RICTOR: variants seen among roughly 807,000 people sequenced by gnomAD.
The protein encoded by RICTOR is RPTOR independent companion of MTOR complex 2, also known as rapamycin-insensitive companion of mTOR.
In RICTOR, 49 loss-of-function variants were observed where a neutral mutation model predicts 214.9. That is an observed-to-expected ratio of 0.23 (90% CI 0.18 to 0.29). RICTOR has a LOEUF of 0.29. Among genes scored for constraint, RICTOR ranks in the 10% least tolerant of loss-of-function variants. RICTOR has a pLI of 1.00. For missense variants in RICTOR, 1,625 were observed against 2,047.0 expected, an observed-to-expected ratio of 0.79 and a Z score of 3.98; for synonymous variants, 717 against 711.3, an observed-to-expected ratio of 1.01 and a Z score of -0.13.
intron 2 of RICTOR, among the ~76,000 whole-genome samples, chr5:39,072,881 C>T (rs779526205): frequency 6.6e-5 from 10 of 152,188 alleles, no homozygotes; most frequent in Non-Finnish European, 1.3e-4. Context: ...AGTCCCTGAA[C>T]TTTCAGAATA....
At chr5:39,005,065 G>T (rs897869203) in intron 3 of RICTOR, among the ~76,000 whole-genome samples, 1 of 151,790 alleles carries the variant, frequency 6.6e-6, no homozygotes, top group Non-Finnish European at 1.5e-5. Flanking sequence ...ATGGGCATGA[G>T]CCACAGCGCC....
chr5:39,008,909 G>A (rs926862851), intron 3 of RICTOR, among the ~76,000 whole-genome samples: 1 of 151,354 alleles, frequency 6.6e-6, no homozygotes, highest in Non-Finnish European at 1.5e-5. Context: ...TTCATCCTTG[G>A]GAATATTCAA....
intron 3 of RICTOR, among the ~76,000 whole-genome samples, chr5:39,014,034 C>T (rs553522113): frequency 6.6e-6 from 1 of 152,188 alleles, no homozygotes; most frequent in East Asian, 1.9e-4. Context: ...TGTGTTAAAA[C>T]TGCCTACAGT....
chr5:38,946,770 G>A (rs1326864018), intron 32 of RICTOR, among the ~76,000 whole-genome samples: 3 of 152,050 alleles, frequency 2.0e-5, no homozygotes, highest in African/African-American at 4.8e-5. Context: ...TTATTTTAGC[G>A]TTTATCTAAA....
Position 38,953,349 on chromosome 5 carries a change from T to A in RICTOR, c.2790+112A>T, listed in dbSNP as rs1579895354. ...TTGGCAGGAACAATCCAGTCTTAAA[T>A]ATTAATCTAATAAGTAGTTCCAAAG... is the stretch of plus-strand genomic sequence containing the variant. On this transcript the variant is annotated intron_variant, in intron 28 of 37. Transcript: ENST00000357387. 8 of 543,848 alleles carry A rather than the reference T, an allele frequency of 1.5e-5. No individual in the cohort carries two copies. In the East Asian group the frequency reaches 2.2e-4, roughly 15 times the overall value. 33.7% of individuals were successfully genotyped at this position (543,848 alleles called of 1,614,324 possible).
At chr5:38,995,114 A>G (rs1244591942) in intron 6 of RICTOR, among the ~76,000 whole-genome samples, 3 of 152,196 alleles carry the variant, frequency 2.0e-5, no homozygotes, top group African/African-American at 7.2e-5. Context: ...ACTCTAAAAC[A>G]ATAGCCCTCT....
intron 2 of RICTOR, among the ~76,000 whole-genome samples, chr5:39,045,015 A>C (rs1757397262): frequency 6.6e-6 from 1 of 152,160 alleles, no homozygotes. Context: ...GAAGGAGAAA[A>C]TGGATAAGAC....
At chr5:39,044,908 C>T (rs539633989) in intron 2 of RICTOR, among the ~76,000 whole-genome samples, 1 of 152,306 alleles carries the variant, frequency 6.6e-6, no homozygotes, top group East Asian at 1.9e-4. Context: ...AAAGCCTAAC[C>T]ATTCCCCTTA....
At chr5:39,037,859 G>C (rs1229733518) in intron 2 of RICTOR, among the ~76,000 whole-genome samples, 3 of 152,182 alleles carry the variant, frequency 2.0e-5, no homozygotes, top group South Asian at 2.1e-4. Context: ...TCCAGGACCA[G>C]ATGGATTCAC....
At chr5:38,982,206 T>C (rs759593199) in intron 7 of RICTOR, among the ~76,000 whole-genome samples, 170 bp from the exon 8 acceptor site, 16 of 152,192 alleles carry the variant, frequency 1.1e-4, no homozygotes, top group Admixed American at 2.6e-4. Flanking sequence ...TCACTGAATA[T>C]ACTTCCCCAC....
chr5:38,974,432 C>G (rs973559875), intron 10 of RICTOR, among the ~76,000 whole-genome samples: 2 of 151,988 alleles, frequency 1.3e-5, no homozygotes, highest in African/African-American at 4.8e-5. Context: ...CTGGCAGAAA[C>G]AGACATCATT....
intron 21 of RICTOR, 36 bp from the exon 22 acceptor site, chr5:38,959,357 A>G: frequency 8.4e-7 from 1 of 1,191,848 alleles, no homozygotes; most frequent in South Asian, 1.5e-5. Context: ...GGTTAAAAGA[A>G]ATTACTATAT....
At chr5:39,017,136 A>G (rs893260601) in intron 3 of RICTOR, among the ~76,000 whole-genome samples, 2 of 152,142 alleles carry the variant, frequency 1.3e-5, no homozygotes, top group African/African-American at 2.4e-5. Context: ...AATTACTGCC[A>G]TTCTTACCTC....
chr5:38,990,108 T>C (rs1364761402), intron 7 of RICTOR, among the ~76,000 whole-genome samples: 2 of 152,104 alleles, frequency 1.3e-5, no homozygotes, highest in Non-Finnish European at 1.5e-5. Context: ...CCATCAGTGA[T>C]AGACTGGATA....
At chr5:39,073,195 G>C (rs1343862801) in intron 2 of RICTOR, among the ~76,000 whole-genome samples, 1 of 152,106 alleles carries the variant, frequency 6.6e-6, no homozygotes, top group Non-Finnish European at 1.5e-5. Context: ...AGCTGAACCG[G>C]GTTACACTCC....
At position 39,057,939 on chromosome 5, in the gene RICTOR, C is replaced by T. The variant is rs114687138; in HGVS notation, c.97+16172G>A. On this transcript the variant is annotated intron_variant, in intron 2 of 37. Transcript: ENST00000357387. The stretch of plus-strand genomic sequence containing the variant: ...TCAGAAACTTCTTTACCTTCATACA[C>T]TTCAGTATTTTTGTTTCACTTTCAT... Among the ~76,000 whole-genome samples the T allele has an allele frequency of 1.9e-3, 294 of 152,208 alleles. 1 individual carries two copies. Among genetic ancestry groups the T allele is most frequent in the Middle Eastern group, 0.01 (3 of 294 alleles).
Position 39,040,515 on chromosome 5 carries a change from ATTAC to A in RICTOR, c.98-19383_98-19380del, listed in dbSNP as rs200595088. ...ATAATTTTAATAATTAGAAGCTATA[ATTAC>A]TATTTTAATTCATTTACTTAGAATA... On this transcript the variant is annotated intron_variant, in intron 2 of 37. Transcript: ENST00000357387. 2.8e-3 allele frequency among the ~76,000 whole-genome samples: 433 copies of A among 152,260 alleles called. 2 individuals carry two copies. Among genetic ancestry groups the A allele is most frequent in the East Asian group, 0.021 (108 of 5,178 alleles).
chr5:39,028,569 T>C (rs1021297526), intron 2 of RICTOR, among the ~76,000 whole-genome samples: 4 of 152,172 alleles, frequency 2.6e-5, no homozygotes, highest in Admixed American at 2.6e-4. Context: ...AATATTATGA[T>C]TCTGTAATTT....
chr5:38,997,163 A>T (rs1753240966), intron 5 of RICTOR, among the ~76,000 whole-genome samples: 1 of 152,186 alleles, frequency 6.6e-6, no homozygotes, highest in African/African-American at 2.4e-5. Context: ...AGAATAATAA[A>T]CATAAAGTGT....
Sources: gnomAD v4.1 joint callset for allele counts (sites outside exome capture counted in the v4.1 genomes callset) on GRCh38, gnomAD v4.1.1 for gene constraint, MANE v1.5 for transcripts, NCBI Gene and HGNC (gene_info 2026-07-23, HGNC 2026-07-21) for gene names.